GABRG3: variants seen among roughly 807,000 people sequenced by gnomAD.
GABRG3 encodes gamma-aminobutyric acid receptor subunit gamma-3.
In GABRG3, 25 loss-of-function variants were observed where a neutral mutation model predicts 48.8. The observed-to-expected ratio is 0.51, with a 90% CI of 0.37 to 0.72. The LOEUF is 0.72. Ranked by LOEUF, GABRG3 falls within the 30% of genes least tolerant of loss-of-function variation. The pLI is 0.00. For synonymous variants in GABRG3, 227 were observed against 217.6 expected (o/e 1.04, Z -0.38); for missense variants, 394 against 577.9 (o/e 0.68, Z 3.26).
chr15:27,196,892 G>C (rs1595579574), intron 3 of GABRG3, among the ~76,000 whole-genome samples: 1 of 152,220 alleles, frequency 6.6e-6, no homozygotes, highest in Non-Finnish European at 1.5e-5. Context: ...TGAGCATTCA[G>C]TAGGTGATGT....
chr15:27,017,466 C>T (rs919685116), intron 2 of GABRG3, among the ~76,000 whole-genome samples: 2 of 152,152 alleles, frequency 1.3e-5, no homozygotes, highest in South Asian at 4.1e-4. Flanking sequence ...GTAGAACAAA[C>T]CCTGTTCATT....
At chr15:27,359,749 A>G (rs1384400659) in intron 5 of GABRG3, among the ~76,000 whole-genome samples, 1 of 152,196 alleles carries the variant, frequency 6.6e-6, no homozygotes, top group African/African-American at 2.4e-5. Context: ...TGAACGTTAC[A>G]TAGATATCTT....
intron 3 of GABRG3, among the ~76,000 whole-genome samples, chr15:27,234,559 A>C (rs1223923776): frequency 6.6e-6 from 1 of 151,938 alleles, no homozygotes; most frequent in Non-Finnish European, 1.5e-5. Flanking sequence ...TCTTTATCAC[A>C]CACATGAGGA....
intron 5 of GABRG3, among the ~76,000 whole-genome samples, chr15:27,392,157 T>G (rs1712547300): frequency 6.6e-6 from 1 of 152,208 alleles, no homozygotes; most frequent in African/African-American, 2.4e-5. Context: ...TTTAGTACCA[T>G]ACATTTATCA....
rs542216654 is a variant in GABRG3, at chr15:27,009,217, A to C, written c.203-17537A>C. Among the ~76,000 whole-genome samples the C allele has an allele frequency of 5.3e-5, 8 of 152,268 alleles. No individual in the cohort carries two copies. In the South Asian group the frequency reaches 1.7e-3, roughly 32 times the overall value. On this transcript the variant is annotated intron_variant, in intron 2 of 9. Transcript: ENST00000615808. ...AAGAATTCCAAGTTGAGAGAGCTCG[A>C]ATACTGATAGCAAACCGTGTAGAAC...
At chr15:27,044,400 A>AG (rs1443221116) in intron 3 of GABRG3, among the ~76,000 whole-genome samples, 1 of 50,552 alleles carries the variant, frequency 2.0e-5, no homozygotes, top group Non-Finnish European at 6.0e-5. Context: ...GGTATTGACT[A>AG]AAAGAAAATA....
At position 27,324,541 on chromosome 15, in the gene GABRG3, G is replaced by A. The variant is rs183808591; in HGVS notation, c.271-2268G>A. On this transcript the variant is annotated intron_variant, in intron 3 of 9. Transcript: ENST00000615808. Reference sequence around the variant, plus strand: ...TTAACCATTTTTGCCATGGTAAAGTGGGCATTGGATAATACACCTCCTTTG... The same window carrying A: ...TTAACCATTTTTGCCATGGTAAAGTAGGCATTGGATAATACACCTCCTTTG... 5.2e-3 allele frequency among the ~76,000 whole-genome samples: 799 copies of A among 152,286 alleles called. 5 individuals are homozygous for A. The highest frequency in any genetic ancestry group is 0.019 in the African/African-American group (769 of 41,552).
intron 5 of GABRG3, among the ~76,000 whole-genome samples, chr15:27,437,992 T>G (rs906231638): frequency 6.6e-6 from 1 of 152,188 alleles, no homozygotes; most frequent in African/African-American, 2.4e-5. Flanking sequence ...AGGAGGGCAC[T>G]GAGACATTCA....
In GABRG3 at chr15:27,140,974, C is replaced by T. The variant is rs78714512; in HGVS notation, c.270+114153C>T. Among the ~76,000 whole-genome samples, 362 of 152,132 alleles carry T rather than the reference C, an allele frequency of 2.4e-3. 4 individuals carry two copies. The highest frequency in any genetic ancestry group is 8.5e-3 in the African/African-American group (351 of 41,512). On this transcript the variant is annotated intron_variant, in intron 3 of 9. Transcript: ENST00000615808. ...AGCTGTCGTCCTTCATATTTTCTCG[C>T]GGTAGAGTCCAAAATTGTCAGCCTT...
intron 3 of GABRG3, among the ~76,000 whole-genome samples, chr15:27,307,124 A>G (rs1171228739): frequency 7.6e-6 from 1 of 131,118 alleles, no homozygotes; most frequent in Non-Finnish European, 1.6e-5. Context: ...TATAAACATA[A>G]TATAAACATG....
rs1889991954 is a variant in GABRG3 at position 27,236,950 on chromosome 15, G to A, written c.271-89859G>A. ...CCCTTGGAGGACTTGCTCTGGGCTT[G>A]TGCTGGAGGTTATGCTTCCCAGCCT... On this transcript the variant is annotated intron_variant, in intron 3 of 9. Coordinates refer to ENST00000615808, the MANE Select transcript of GABRG3 (RefSeq NM_033223.5). The surrounding 1 kb of genome is among the most constrained non-coding windows in gnomAD (Gnocchi z 4.4). Among the ~76,000 whole-genome samples, 1 of 152,166 alleles carries A rather than the reference G, an allele frequency of 6.6e-6. No homozygotes were observed. The highest frequency in any genetic ancestry group is 2.1e-4 in the South Asian group (1 of 4,824).
intron 5 of GABRG3, among the ~76,000 whole-genome samples, chr15:27,386,707 A>G (rs999926597): frequency 3.9e-5 from 6 of 152,210 alleles, no homozygotes; most frequent in African/African-American, 1.4e-4. Context: ...ACCCCTGGCT[A>G]AGATGCTACA....
chr15:27,425,521 G>A (rs2140617192), intron 5 of GABRG3, among the ~76,000 whole-genome samples: 1 of 151,896 alleles, frequency 6.6e-6, no homozygotes, highest in Admixed American at 6.6e-5. Flanking sequence ...TGAGGCAGGA[G>A]AATGATGTCA....
intron 3 of GABRG3, among the ~76,000 whole-genome samples, chr15:27,113,398 A>G (rs911472549): frequency 2.0e-5 from 3 of 152,090 alleles, no homozygotes; most frequent in Admixed American, 2.0e-4. Context: ...CATGTATGTG[A>G]CAAGTAGATC....
At chr15:27,396,088 C>T (rs1022980562) in intron 5 of GABRG3, among the ~76,000 whole-genome samples, 2 of 152,094 alleles carry the variant, frequency 1.3e-5, no homozygotes, top group Non-Finnish European at 2.9e-5. Context: ...GTCTCGAACC[C>T]CTGGCCCTCA....
intron 5 of GABRG3, among the ~76,000 whole-genome samples, chr15:27,344,850 T>C (rs548628345): frequency 6.6e-6 from 1 of 152,226 alleles, no homozygotes; most frequent in Non-Finnish European, 1.5e-5. Context: ...ATTCTTCCAG[T>C]TTTACCTCTT....
rs145396333 is a variant in GABRG3 at position 27,535,380 on chromosome 15, G to A, written c.*2499G>A. 6.6e-6 allele frequency: 1 copy of A among 152,252 alleles called. No homozygotes were observed. The highest frequency in any genetic ancestry group is 2.4e-5 in the African/African-American group (1 of 41,546). The allele number at this position is 152,252 out of a possible 1,614,324, so 9.4% of individuals were successfully genotyped here. ...GTGTTTCAAAACCACTCAACATTTGGATATTGTTAGCAACCCTCCTGAAAT... is the reference window on the plus strand; with the variant it reads ...GTGTTTCAAAACCACTCAACATTTGAATATTGTTAGCAACCCTCCTGAAAT... On this transcript the variant is annotated 3_prime_UTR_variant, in exon 10 of 10. Transcript: ENST00000615808.
Position 27,308,628 on chromosome 15 carries a change from C to A in GABRG3, c.271-18181C>A, listed in dbSNP as rs936547049. On this transcript the variant is annotated intron_variant, in intron 3 of 9. Transcript: ENST00000615808. ...ATGTAAACATACGCTTATATATAAA[C>A]ATATAATGTAAACATACGCTTATGT... Among the ~76,000 whole-genome samples, 4 of 146,144 alleles carry A rather than the reference C, an allele frequency of 2.7e-5. No individual in the cohort carries two copies. The East Asian group carries it at 8.4e-4, about 31-fold the overall frequency.
chr15:27,044,252 A>G (rs1274763157), intron 3 of GABRG3, among the ~76,000 whole-genome samples: 1 of 152,204 alleles, frequency 6.6e-6, no homozygotes, highest in African/African-American at 2.4e-5. Context: ...TTGTTTTGGA[A>G]GCTGAAGACC....
Sources: gnomAD v4.1 joint callset for allele counts (sites outside exome capture counted in the v4.1 genomes callset) on GRCh38, gnomAD v4.1.1 for gene constraint, Gnocchi (gnomAD v3.1) non-coding constraint, MANE v1.5 for transcripts, NCBI Gene and HGNC (gene_info 2026-07-23, HGNC 2026-07-21) for gene names.